The following PCDH15 variants were observed in gnomAD, a reference collection of about 807,000 sequenced individuals.
PCDH15 encodes the protein protocadherin related 15, also known as protocadherin-15.
PCDH15 carries 129 observed loss-of-function variants against 178.5 expected under a neutral mutation model. The ratio of observed to expected loss-of-function variants is 0.72; its 90% CI spans 0.63 to 0.84. The LOEUF (loss-of-function observed/expected upper bound fraction) is 0.84. Among genes scored for constraint, PCDH15 ranks in the 40% least tolerant of loss-of-function variants. PCDH15 has a pLI of 0.00. For synonymous variants in PCDH15, 800 were observed against 732.0 expected (o/e 1.09, Z -1.50); for missense variants, 2,230 against 2,099.9 (o/e 1.06, Z -1.21).
At position 55,563,019 on chromosome 10, in the gene PCDH15, CCA is replaced by C. The variant is rs1198725835; in HGVS notation, c.-156+64604_-156+64605del. On this transcript the variant is annotated intron_variant, in intron 2 of 5. Transcript: ENST00000613346. ...TTAGCTTAGGAGCAACTATCTATCC[CCA>C]CCCTCAACCCCAAGACAGGGAGCTG... Among the ~76,000 whole-genome samples the C allele has an allele frequency of 2.0e-5, 3 of 152,034 alleles. No individual in the cohort carries two copies. The East Asian group carries it at 5.8e-4, about 30-fold the overall frequency.
intron 2 of PCDH15, among the ~76,000 whole-genome samples, chr10:55,333,518 T>C (rs1844269460): frequency 6.6e-6 from 1 of 152,102 alleles, no homozygotes; most frequent in South Asian, 2.1e-4. Flanking sequence ...TTGGGAGAAC[T>C]GAGCACTGGT....
chr10:54,859,499 T>C (rs1214293797), intron 3 of PCDH15, among the ~76,000 whole-genome samples: 1 of 152,010 alleles, frequency 6.6e-6, no homozygotes, highest in Non-Finnish European at 1.5e-5. Context: ...TCTCATTTTG[T>C]ACATGAACAT....
chr10:54,347,561 C>CA (rs1173229551), intron 5 of PCDH15, among the ~76,000 whole-genome samples: 1 of 152,092 alleles, frequency 6.6e-6, no homozygotes, highest in African/African-American at 2.4e-5. Context: ...TAAGAGGCAA[C>CA]AAAAAAGTTG....
intron 2 of PCDH15, among the ~76,000 whole-genome samples, chr10:54,567,883 C>T (rs1013072048): frequency 2.0e-5 from 3 of 152,166 alleles, no homozygotes; most frequent in African/African-American, 7.2e-5. Flanking sequence ...CTATTTCCTT[C>T]AACAGAAAAA....
intron 2 of PCDH15, among the ~76,000 whole-genome samples, chr10:54,539,317 C>T (rs932177777): frequency 6.6e-6 from 1 of 152,070 alleles, no homozygotes; most frequent in Non-Finnish European, 1.5e-5. Context: ...CCAAATGGAA[C>T]AAGGGTCACT....
At chr10:55,096,388 G>A (rs769196495) in intron 2 of PCDH15, among the ~76,000 whole-genome samples, 1 of 152,046 alleles carries the variant, frequency 6.6e-6, no homozygotes, top group Non-Finnish European at 1.5e-5. Flanking sequence ...TTTTCAGACT[G>A]TACAACATGA....
intron 20 of PCDH15, among the ~76,000 whole-genome samples, chr10:54,010,063 C>A (rs2092524727): frequency 1.3e-5 from 2 of 152,196 alleles, no homozygotes; most frequent in African/African-American, 4.8e-5. Flanking sequence ...ACTGTCCATT[C>A]CAGCCCCACC....
At chr10:54,199,289 G>T (rs571788321) in intron 10 of PCDH15, among the ~76,000 whole-genome samples, 1 of 152,158 alleles carries the variant, frequency 6.6e-6, no homozygotes, top group Non-Finnish European at 1.5e-5. Flanking sequence ...GTCCAGATGT[G>T]AAAATGTGTA....
intron 3 of PCDH15, among the ~76,000 whole-genome samples, chr10:54,479,798 T>C (rs911504212): frequency 2.0e-5 from 3 of 152,064 alleles, no homozygotes; most frequent in Non-Finnish European, 4.4e-5. Context: ...TGTTAAATTA[T>C]ATAAACATAT....
At chr10:54,058,437 C>A (rs1303288998) in intron 18 of PCDH15, among the ~76,000 whole-genome samples, 1 of 151,966 alleles carries the variant, frequency 6.6e-6, no homozygotes, top group Non-Finnish European at 1.5e-5. Flanking sequence ...TGCAGGGGAA[C>A]TCCCATTTAT....
At chr10:54,713,337 G>A (rs1461236229) in intron 1 of PCDH15, among the ~76,000 whole-genome samples, 1 of 151,904 alleles carries the variant, frequency 6.6e-6, no homozygotes, top group East Asian at 1.9e-4. Flanking sequence ...CCTTACATGA[G>A]TCATTGTACA....
chr10:54,301,051 A>G (rs980758671), intron 8 of PCDH15, among the ~76,000 whole-genome samples: 5 of 152,164 alleles, frequency 3.3e-5, no homozygotes, highest in South Asian at 2.1e-4. Flanking sequence ...AGTCAGCGAG[A>G]CCACGAACCC....
chr10:54,633,029 A>AAG (rs2093744769), intron 2 of PCDH15, among the ~76,000 whole-genome samples: 1 of 152,152 alleles, frequency 6.6e-6, no homozygotes, highest in South Asian at 2.1e-4. Flanking sequence ...TTGTAAACTA[A>AAG]AGAGAATTCC....
chr10:54,136,398 A>AT (rs34653991), intron 14 of PCDH15, among the ~76,000 whole-genome samples: 42,488 of 145,592 alleles, frequency 0.29, 6,498 homozygotes, highest in East Asian at 0.7. Flanking sequence ...ACTGTTTAAC[A>AT]TTTTTTTTTT....
chr10:55,355,351 C>A (rs1449469287), intron 2 of PCDH15, among the ~76,000 whole-genome samples: 1 of 151,928 alleles, frequency 6.6e-6, no homozygotes, highest in African/African-American at 2.4e-5. Flanking sequence ...TCCAGCGTCC[C>A]ACCAGCATTA....
intron 2 of PCDH15, chr10:54,619,113 A>G (rs529844575): frequency 3.9e-5 from 6 of 151,900 alleles, no homozygotes; most frequent in Non-Finnish European, 8.8e-5. Flanking sequence ...ACCTGAAAAC[A>G]TCTTACATTT....
At chr10:55,524,423 A>C (rs929670247) in intron 2 of PCDH15, among the ~76,000 whole-genome samples, 1 of 151,676 alleles carries the variant, frequency 6.6e-6, no homozygotes, top group Admixed American at 6.6e-5. Context: ...TAAGAATTGG[A>C]AAGTCTTAGT....
chr10:54,724,915 GAT>G (rs1566047111), intron 1 of PCDH15, among the ~76,000 whole-genome samples: 106 of 93,084 alleles, frequency 1.1e-3, no homozygotes, highest in Middle Eastern at 5.1e-3. Flanking sequence ...TATAGATATA[GAT>G]ATAGATATAG....
intron 26 of PCDH15, among the ~76,000 whole-genome samples, chr10:53,879,808 T>C (rs2080564667): frequency 6.6e-6 from 1 of 152,186 alleles, no homozygotes; most frequent in Non-Finnish European, 1.5e-5. Context: ...TTTTGCCATG[T>C]TGGCCAGGCT....
Sources: allele counts gnomAD v4.1 joint callset (sites outside exome capture counted in the v4.1 genomes callset), GRCh38; gene constraint gnomAD v4.1.1; transcripts MANE v1.5; gene names NCBI Gene and HGNC (gene_info 2026-07-23, HGNC 2026-07-21).